ADAMTSL1: variants seen among roughly 807,000 people sequenced by gnomAD.
ADAMTSL1 encodes ADAMTS like 1.
A neutral mutation model predicts 201.8 loss-of-function variants in ADAMTSL1; 126 were observed. That is an observed-to-expected ratio of 0.62 (90% CI 0.54 to 0.72). The LOEUF (loss-of-function observed/expected upper bound fraction) is 0.72, where lower values mean the gene tolerates loss of function less well. ADAMTSL1 is among the 30% of genes least tolerant of loss of function. The probability of loss-of-function intolerance (pLI) is 0.00; values close to 1 mark genes in which losing one functional copy is unlikely to be tolerated. For missense variants in ADAMTSL1, 2,679 were observed against 2,277.8 expected, an observed-to-expected ratio of 1.18 and a Z score of -3.59; for synonymous variants, 1,121 against 903.4, an observed-to-expected ratio of 1.24 and a Z score of -4.32.
chr9:18,392,406 G>A (rs554308641), intron 2 of ADAMTSL1, among the ~76,000 whole-genome samples: 7 of 152,240 alleles, frequency 4.6e-5, no homozygotes, highest in Admixed American at 6.5e-5. Context: ...TCAAACTATC[G>A]TGCATGCAGT....
At chr9:17,915,710 C>T (rs2131278847) in intron 1 of ADAMTSL1, among the ~76,000 whole-genome samples, 1 of 152,276 alleles carries the variant, frequency 6.6e-6, no homozygotes, top group African/African-American at 2.4e-5. Context: ...CTTGCCAATA[C>T]CTGGTGTGGT....
chr9:18,001,424 T>C (rs1819608100), intron 1 of ADAMTSL1, among the ~76,000 whole-genome samples: 1 of 152,030 alleles, frequency 6.6e-6, no homozygotes, highest in Non-Finnish European at 1.5e-5. Context: ...GTACCTGTCC[T>C]CAAGGAGCTC....
intron 4 of ADAMTSL1, among the ~76,000 whole-genome samples, chr9:18,609,292 AGAG>A (rs369575119): frequency 2.7e-4 from 41 of 151,946 alleles, no homozygotes; most frequent in Middle Eastern, 3.4e-3. Flanking sequence ...AGTAGAATGC[AGAG>A]GAGATGATTT....
At chr9:18,561,707 C>T (rs1821512696) in intron 3 of ADAMTSL1, among the ~76,000 whole-genome samples, 1 of 152,142 alleles carries the variant, frequency 6.6e-6, no homozygotes, top group Non-Finnish European at 1.5e-5. Flanking sequence ...CTTGGTGCTC[C>T]TGAATTGGGT....
chr9:18,864,784 T>C (rs1827404029), intron 23 of ADAMTSL1, among the ~76,000 whole-genome samples: 1 of 152,204 alleles, frequency 6.6e-6, no homozygotes, highest in Non-Finnish European at 1.5e-5. Flanking sequence ...AGGATGTCAA[T>C]TGGTGGCACA....
At chr9:18,890,824 A>C (rs1335056922) in intron 25 of ADAMTSL1, 1 of 319,984 alleles carries the variant, frequency 3.1e-6, no homozygotes, top group Non-Finnish European at 6.2e-6. Context: ...AAGAGGCTGG[A>C]AAACTGCCCT....
intron 19 of ADAMTSL1, among the ~76,000 whole-genome samples, chr9:18,786,916 T>C (rs951373893): frequency 1.3e-5 from 2 of 152,180 alleles, no homozygotes; most frequent in African/African-American, 2.4e-5. Context: ...GAATAGGAGA[T>C]GAATTAAGGC....
chr9:18,426,012 A>T (rs1819203260), intron 2 of ADAMTSL1, among the ~76,000 whole-genome samples: 1 of 152,202 alleles, frequency 6.6e-6, no homozygotes, highest in Non-Finnish European at 1.5e-5. Flanking sequence ...TTAGCATCAG[A>T]TGTGGGATGC....
At chr9:18,214,959 C>G (rs1356553532) in intron 2 of ADAMTSL1, among the ~76,000 whole-genome samples, 1 of 151,976 alleles carries the variant, frequency 6.6e-6, no homozygotes, top group African/African-American at 2.4e-5. Context: ...AAGATTTTAA[C>G]AAATTGAGCA....
At chr9:18,835,224 G>A (rs1395487626) in intron 23 of ADAMTSL1, among the ~76,000 whole-genome samples, 1 of 152,042 alleles carries the variant, frequency 6.6e-6, no homozygotes, top group Non-Finnish European at 1.5e-5. Context: ...TACTAGTAGT[G>A]TTGAACATGT....
At chr9:18,527,581 C>T (rs973970964) in intron 2 of ADAMTSL1, among the ~76,000 whole-genome samples, 1 of 152,088 alleles carries the variant, frequency 6.6e-6, no homozygotes, top group Non-Finnish European at 1.5e-5. Context: ...CATGTCATTT[C>T]ACCTCTTCTC....
intron 23 of ADAMTSL1, among the ~76,000 whole-genome samples, chr9:18,881,325 A>T (rs1239627029): frequency 6.6e-6 from 1 of 152,120 alleles, no homozygotes; most frequent in Non-Finnish European, 1.5e-5. Context: ...CTAGCTTCTG[A>T]TTTAAAGTGA....
intron 14 of ADAMTSL1, among the ~76,000 whole-genome samples, chr9:18,712,083 A>G (rs1157271075): frequency 5.3e-5 from 8 of 149,946 alleles, no homozygotes; most frequent in South Asian, 2.1e-4. Flanking sequence ...CATCCACACC[A>G]AAAACCCATC....
At chr9:18,552,686 G>T (rs1820860278) in intron 3 of ADAMTSL1, among the ~76,000 whole-genome samples, 1 of 151,430 alleles carries the variant, frequency 6.6e-6, no homozygotes, top group South Asian at 2.1e-4. Flanking sequence ...AGTCCGTTTG[G>T]GTTATTTTGG....
chr9:18,673,864 G>A (rs1368453698), intron 9 of ADAMTSL1, among the ~76,000 whole-genome samples: 1 of 152,048 alleles, frequency 6.6e-6, no homozygotes, highest in Non-Finnish European at 1.5e-5. Context: ...AGATAACAGT[G>A]TATGTACAAA....
chr9:18,149,567 C>T (rs1382171013), intron 1 of ADAMTSL1, among the ~76,000 whole-genome samples: 2 of 151,948 alleles, frequency 1.3e-5, no homozygotes, highest in Non-Finnish European at 2.9e-5. Context: ...TCATCTCAGG[C>T]CCTAACCCAG....
chr9:18,344,690 G>T (rs777156252), intron 2 of ADAMTSL1, among the ~76,000 whole-genome samples: 5 of 152,124 alleles, frequency 3.3e-5, no homozygotes, highest in Admixed American at 1.3e-4. Context: ...ATTGATACAG[G>T]AGCAGCAAAG....
intron 2 of ADAMTSL1, among the ~76,000 whole-genome samples, chr9:18,364,599 T>C (rs1349345330): frequency 2.0e-5 from 3 of 152,158 alleles, no homozygotes; most frequent in South Asian, 2.1e-4. Flanking sequence ...TCACAGAATA[T>C]TGGAATTACC....
chr9:18,483,490 A>G (rs982964545), intron 1 of ADAMTSL1, among the ~76,000 whole-genome samples: 1 of 152,162 alleles, frequency 6.6e-6, no homozygotes, highest in African/African-American at 2.4e-5. Context: ...ATGCGGAAGA[A>G]ACCAAGGATC....
Sources: allele counts gnomAD v4.1 joint callset (sites outside exome capture counted in the v4.1 genomes callset), GRCh38; gene constraint gnomAD v4.1.1; transcripts MANE v1.5; gene names NCBI Gene and HGNC (gene_info 2026-07-23, HGNC 2026-07-21).